The following ANO4 variants were observed in gnomAD, a reference collection of about 807,000 sequenced individuals.
ANO4 encodes anoctamin 4.
In ANO4, 69 loss-of-function variants were observed where a neutral mutation model predicts 141.9. The observed-to-expected ratio is 0.49, with a 90% CI of 0.40 to 0.59. The LOEUF is 0.59. ANO4 is among the 20% of genes least tolerant of loss of function. The pLI, the probability that ANO4 is intolerant of heterozygous loss-of-function variation, is 0.00. For synonymous variants in ANO4, 350 were observed against 394.3 expected, an observed-to-expected ratio of 0.89 and a Z score of 1.33; for missense variants, 894 against 1,162.2, an observed-to-expected ratio of 0.77 and a Z score of 3.36.
rs763949654 is a variant in ANO4 at position 100,806,524 on chromosome 12, G to GTTTTTT, written c.-141+11528_-141+11533dup. Among the ~76,000 whole-genome samples, 13 of 59,882 alleles carry GTTTTTT rather than the reference G, an allele frequency of 2.2e-4. 3 individuals carry two copies. The highest frequency in any genetic ancestry group is 2.2e-3 in the South Asian group (3 of 1,382). The allele number at this position is 59,882 out of a possible 152,430, so 39.3% of individuals were successfully genotyped here. On this transcript the variant is annotated intron_variant, in intron 1 of 27. Transcript: ENST00000392977. ...TTTTAGGAGGTTTTTTTTTTGTTTC[G>GTTTTTT]TTTTTTTTTTTTTTTTTTTTTTTTT...
chr12:100,876,824 A>AT (rs1417397684), intron 1 of ANO4, among the ~76,000 whole-genome samples: 6 of 152,308 alleles, frequency 3.9e-5, no homozygotes, highest in African/African-American at 1.4e-4. Context: ...GCCTGTTTTT[A>AT]TGCCAGTACC....
At chr12:101,038,878 C>G (rs559714444) in intron 10 of ANO4, 1 of 151,450 alleles carries the variant, frequency 6.6e-6, no homozygotes, top group South Asian at 2.1e-4. Flanking sequence ...AGTTCGAGAC[C>G]AGCCTGGGCA....
chr12:100,756,815 C>T (rs1385483614), intron 3 of ANO4, among the ~76,000 whole-genome samples: 2 of 152,124 alleles, frequency 1.3e-5, no homozygotes, highest in African/African-American at 2.4e-5. Flanking sequence ...GTCAGTGCGT[C>T]TCAAATGCTT....
Position 101,072,563 on chromosome 12 carries a change from T to C in ANO4, c.1313-6630T>C, listed in dbSNP as rs565315768. On this transcript the variant is annotated intron_variant, in intron 14 of 27. Coordinates refer to ENST00000392977, the MANE Select transcript of ANO4 (RefSeq NM_001286615.2). Reference sequence around the variant, plus strand: ...TTCATGACTAAAACACCAAAAGCAATGGCAACAAAAGCCAAAATTGACAAA... The same window carrying C: ...TTCATGACTAAAACACCAAAAGCAACGGCAACAAAAGCCAAAATTGACAAA... Among the ~76,000 whole-genome samples, 26 of 152,198 alleles carry C rather than the reference T, an allele frequency of 1.7e-4. No homozygotes were observed. The South Asian group carries it at 5.4e-3, about 32-fold the overall frequency.
chr12:101,074,901 G>A (rs771836717), intron 14 of ANO4, among the ~76,000 whole-genome samples: 59 of 152,132 alleles, frequency 3.9e-4, no homozygotes, highest in Admixed American at 2.6e-3. Flanking sequence ...GCCTCTCTGC[G>A]TGCCAGTTGC....
chr12:100,849,244 G>A (rs2037741359), intron 1 of ANO4, among the ~76,000 whole-genome samples: 1 of 152,166 alleles, frequency 6.6e-6, no homozygotes, highest in South Asian at 2.1e-4. Context: ...AACAGTAATT[G>A]AGATTGGGAA....
intron 3 of ANO4, among the ~76,000 whole-genome samples, 167 bp downstream of exon 3, chr12:100,922,497 T>C (rs2041676039): frequency 6.6e-6 from 1 of 152,070 alleles, no homozygotes; most frequent in Non-Finnish European, 1.5e-5. Flanking sequence ...GAAGAGATAG[T>C]GAAAGAGGTT....
At chr12:100,989,346 C>G (rs565439135) in intron 8 of ANO4, among the ~76,000 whole-genome samples, 7 of 152,288 alleles carry the variant, frequency 4.6e-5, no homozygotes, top group Admixed American at 4.6e-4. Flanking sequence ...AATTTAAACC[C>G]CTACCATGTC....
intron 5 of ANO4, among the ~76,000 whole-genome samples, chr12:100,951,220 T>C (rs2373407): frequency 0.21 from 32,334 of 152,086 alleles, 4,281 homozygotes; most frequent in South Asian, 0.4. Flanking sequence ...GAAAAGGGAA[T>C]GTTTAGACAC....
chr12:100,974,472 G>A (rs10778093), intron 6 of ANO4, among the ~76,000 whole-genome samples: 25,583 of 151,936 alleles, frequency 0.17, 2,667 homozygotes, highest in Middle Eastern at 0.35. Flanking sequence ...ACTAAATTAT[G>A]TATGTTGCCC....
intron 1 of ANO4, among the ~76,000 whole-genome samples, chr12:100,728,970 T>C (rs1162922231): frequency 5.3e-5 from 8 of 151,634 alleles, no homozygotes; most frequent in Admixed American, 3.3e-4. Context: ...CCCATACTCT[T>C]TCATAACGCA....
chr12:100,801,992 G>A (rs2034725922), intron 1 of ANO4, among the ~76,000 whole-genome samples: 1 of 152,086 alleles, frequency 6.6e-6, no homozygotes. Context: ...TGCATAACAC[G>A]TTTTTTTCTC....
chr12:100,843,960 A>G (rs980154077), intron 1 of ANO4, among the ~76,000 whole-genome samples: 1 of 152,176 alleles, frequency 6.6e-6, no homozygotes, highest in Non-Finnish European at 1.5e-5. Context: ...TCTAAAGTCA[A>G]GACGATGCAT....
At chr12:100,791,652 A>T (rs955056973), upstream of ANO4, among the ~76,000 whole-genome samples, 27 of 152,268 alleles carry the variant, frequency 1.8e-4, no homozygotes, top group African/African-American at 6.5e-4. Context: ...TGTCTCATAC[A>T]TTTAGTCTAA....
At chr12:101,027,528 C>T (rs1001696389) in intron 9 of ANO4, among the ~76,000 whole-genome samples, 1 of 152,210 alleles carries the variant, frequency 6.6e-6, no homozygotes, top group Non-Finnish European at 1.5e-5. Context: ...CTGCTGGAGC[C>T]AGGGAGGCTG....
chr12:100,776,156 G>T (rs1250489901), intron 3 of ANO4, among the ~76,000 whole-genome samples: 1 of 152,176 alleles, frequency 6.6e-6, no homozygotes, highest in East Asian at 1.9e-4. Flanking sequence ...AGCACTGAGA[G>T]GTAAAGTAAC....
chr12:100,949,061 C>G (rs1210379237), intron 5 of ANO4, among the ~76,000 whole-genome samples: 1 of 152,140 alleles, frequency 6.6e-6, no homozygotes, highest in Non-Finnish European at 1.5e-5. Context: ...CAGCAACAAG[C>G]AGGGATCTTA....
chr12:101,050,660 G>C (rs619261), intron 14 of ANO4, among the ~76,000 whole-genome samples: 149,611 of 152,326 alleles, frequency 0.98, 73,487 homozygotes, highest in East Asian at 1. Context: ...TTCTGTAAAC[G>C]TAAATACTAA....
chr12:100,878,918 G>C (rs181139519), intron 1 of ANO4, among the ~76,000 whole-genome samples: 1 of 152,204 alleles, frequency 6.6e-6, no homozygotes, highest in Admixed American at 6.5e-5. Flanking sequence ...ATCTCAAAAA[G>C]GTCTATATGG....
Sources: allele counts gnomAD v4.1 joint callset (sites outside exome capture counted in the v4.1 genomes callset), GRCh38; gene constraint gnomAD v4.1.1; transcripts MANE v1.5; gene names NCBI Gene and HGNC (gene_info 2026-07-23, HGNC 2026-07-21).